SYNPR: variants seen among roughly 807,000 people sequenced by gnomAD.
SYNPR encodes synaptoporin.
SYNPR carries 23 observed loss-of-function variants against 32.9 expected under a neutral mutation model. That is an observed-to-expected ratio of 0.70 (90% CI 0.50 to 0.99). The LOEUF (loss-of-function observed/expected upper bound fraction) is 0.99. Among genes scored for constraint, SYNPR ranks in the 50% least tolerant of loss-of-function variants. The pLI, the probability that SYNPR is intolerant of heterozygous loss-of-function variation, is 0.00. For synonymous variants in SYNPR, 146 were observed against 135.9 expected (o/e 1.07, Z -0.52); for missense variants, 318 against 349.3 (o/e 0.91, Z 0.71).
At chr3:63,259,007 C>A (rs930127131) in intron 2 of SYNPR, among the ~76,000 whole-genome samples, 4 of 152,150 alleles carry the variant, frequency 2.6e-5, no homozygotes, top group Admixed American at 6.5e-5. Context: ...CATACACCCT[C>A]CCAAGACTAA....
rs367742617 is a variant in SYNPR, at chr3:63,471,712, C to T, written c.85-9120C>T. Among the ~76,000 whole-genome samples the T allele has an allele frequency of 2.5e-4, 38 of 152,272 alleles. No homozygotes were observed. The East Asian group carries it at 4.3e-3, about 17-fold the overall frequency. ...TTATGGCTACTATTGAGGTAATCAG[C>T]TTTGTTCCCAGAAATGCCCTTTGGG... On this transcript the variant is annotated intron_variant, in intron 2 of 5. Transcript: ENST00000478300.
At chr3:63,549,712 A>G (rs1018466793) in intron 3 of SYNPR, among the ~76,000 whole-genome samples, 2 of 152,196 alleles carry the variant, frequency 1.3e-5, no homozygotes, top group African/African-American at 2.4e-5. Context: ...TGCATTTAAT[A>G]TTACTCCAGA....
intron 3 of SYNPR, among the ~76,000 whole-genome samples, chr3:63,523,524 A>C (rs918828035): frequency 2.0e-4 from 30 of 152,050 alleles, no homozygotes; most frequent in African/African-American, 7.0e-4. Flanking sequence ...CTAATCACCA[A>C]AGGTAGTAAC....
chr3:63,366,736 G>T (rs944708781), intron 2 of SYNPR, among the ~76,000 whole-genome samples: 3 of 152,138 alleles, frequency 2.0e-5, no homozygotes, highest in Non-Finnish European at 4.4e-5. Context: ...TCTGAGAACT[G>T]ACTCTGTGCC....
the SYNPR span, among the ~76,000 whole-genome samples, chr3:63,203,049 TAC>T: frequency 0.027 from 2,343 of 85,618 alleles, 53 homozygotes; most frequent in Non-Finnish European, 0.041. Context: ...TAAATATAAA[TAC>T]ATATATATAT....
intron 2 of SYNPR, among the ~76,000 whole-genome samples, chr3:63,456,657 C>T (rs1242572141): frequency 6.6e-6 from 1 of 152,034 alleles, no homozygotes; most frequent in African/African-American, 2.4e-5. Flanking sequence ...GTAAACTTTA[C>T]TCCCAGGTGA....
At chr3:63,309,130 A>T (rs1480923537) in intron 2 of SYNPR, among the ~76,000 whole-genome samples, 1 of 151,962 alleles carries the variant, frequency 6.6e-6, no homozygotes, top group Non-Finnish European at 1.5e-5. Flanking sequence ...ATCTGTTATT[A>T]ATTCTACCAA....
At chr3:63,272,159 C>A (rs923595837) in intron 3 of SYNPR, among the ~76,000 whole-genome samples, 1 of 152,202 alleles carries the variant, frequency 6.6e-6, no homozygotes, top group African/African-American at 2.4e-5. Flanking sequence ...TAGATGTCTA[C>A]ATTAACTCAT....
chr3:63,395,922 T>C (rs2107092526), intron 2 of SYNPR, among the ~76,000 whole-genome samples: 2 of 152,304 alleles, frequency 1.3e-5, no homozygotes, highest in South Asian at 4.1e-4. Context: ...TTAATCTCTT[T>C]ACCTCAAATT....
intron 3 of SYNPR, among the ~76,000 whole-genome samples, chr3:63,548,250 A>T (rs1417510546): frequency 1.3e-5 from 2 of 152,106 alleles, no homozygotes; most frequent in African/African-American, 4.8e-5. Context: ...CATAAGTAAA[A>T]CAACTAAGAG....
chr3:63,523,196 G>A (rs941575832), intron 3 of SYNPR, among the ~76,000 whole-genome samples: 2 of 152,150 alleles, frequency 1.3e-5, no homozygotes, highest in Non-Finnish European at 2.9e-5. Flanking sequence ...TGAGCTGGAG[G>A]CTTGAGGGCA....
intron 2 of SYNPR, among the ~76,000 whole-genome samples, chr3:63,339,601 G>C (rs917324049): frequency 2.6e-5 from 4 of 151,432 alleles, no homozygotes; most frequent in African/African-American, 9.7e-5. Context: ...TGAATGTATA[G>C]GTTCATGTAT....
At chr3:63,552,037 ACAGGTGCCCGC>A (rs1290646929) in intron 3 of SYNPR, among the ~76,000 whole-genome samples, 16 of 151,934 alleles carry the variant, frequency 1.1e-4, no homozygotes, top group Admixed American at 1.0e-3. Context: ...AGCTGGGATT[ACAGGTGCCCGC>A]CACCATGTCT....
At chr3:63,540,715 T>C (rs1702282112) in intron 3 of SYNPR, among the ~76,000 whole-genome samples, 1 of 152,034 alleles carries the variant, frequency 6.6e-6, no homozygotes, top group African/African-American at 2.4e-5. Context: ...CAAATATGTA[T>C]TGGGCATCTA....
chr3:63,435,730 C>A (rs1700072148), intron 2 of SYNPR, among the ~76,000 whole-genome samples: 1 of 152,114 alleles, frequency 6.6e-6, no homozygotes, highest in African/African-American at 2.4e-5. Flanking sequence ...TTGAATGTAC[C>A]ATCTATATTC....
At chr3:63,495,399 T>C (rs1036112525) in intron 3 of SYNPR, among the ~76,000 whole-genome samples, 4 of 152,184 alleles carry the variant, frequency 2.6e-5, no homozygotes, top group African/African-American at 9.7e-5. Flanking sequence ...GAAGGATCTT[T>C]AGTTATCATC....
intron 2 of SYNPR, among the ~76,000 whole-genome samples, chr3:63,455,787 G>GTGTGTGTGTGTGTGTGTGTGTGTGT (rs1559504354): frequency 6.6e-6 from 1 of 151,220 alleles, no homozygotes; most frequent in African/African-American, 2.4e-5. Flanking sequence ...GTGTGTGTGT[G>GTGTGTGTGTGTGTGTGTGTGTGTGT]GATCTTCAGA....
rs1553644965 is a variant in SYNPR, at chr3:63,540,930, A to ACACACACACACACACACAC, written c.210-15613_210-15612insCACACACACACACACACAC. ...CACACACACACACAATCCCCCCCCC[A>ACACACACACACACACACAC]ACACACACACACACACACACACACA... On this transcript the variant is annotated intron_variant, in intron 3 of 5. Coordinates refer to ENST00000478300, the MANE Select transcript of SYNPR (RefSeq NM_001130003.2). 1.6e-3 allele frequency among the ~76,000 whole-genome samples: 198 copies of ACACACACACACACACACAC among 122,836 alleles called. 2 individuals are homozygous for ACACACACACACACACACAC. Among genetic ancestry groups the ACACACACACACACACACAC allele is most frequent in the Admixed American group, 4.5e-3 (51 of 11,430 alleles). The allele number at this position is 122,836 out of a possible 152,430, so 80.6% of individuals were successfully genotyped here.
chr3:63,451,727 A>G (rs978901839), intron 2 of SYNPR, among the ~76,000 whole-genome samples: 1 of 152,146 alleles, frequency 6.6e-6, no homozygotes, highest in Non-Finnish European at 1.5e-5. Context: ...TTTCTCCCCA[A>G]GTACAGATGC....
Sources: gnomAD v4.1 joint callset for allele counts (sites outside exome capture counted in the v4.1 genomes callset) on GRCh38, gnomAD v4.1.1 for gene constraint, MANE v1.5 for transcripts, NCBI Gene and HGNC (gene_info 2026-07-23, HGNC 2026-07-21) for gene names.